Variants in POU2F1 observed in about 807,000 individuals in gnomAD.
POU2F1 encodes POU class 2 homeobox 1, also known as POU domain, class 2, transcription factor 1.
Under a neutral mutation model 84.9 loss-of-function variants are expected in POU2F1, and 16 were observed. The ratio of observed to expected loss-of-function variants is 0.19; its 90% confidence interval spans 0.13 to 0.29. The LOEUF is 0.29. POU2F1 is among the 10% of genes least tolerant of loss of function. The pLI, the probability that POU2F1 is intolerant of heterozygous loss-of-function variation, is 1.00. For synonymous variants in POU2F1, 368 were observed against 368.3 expected (o/e 1.00, Z 0.01); for missense variants, 738 against 942.6 (o/e 0.78, Z 2.84).
At chr1:167,373,627 C>T (rs1169260219) in intron 5 of POU2F1, among the ~76,000 whole-genome samples, 1 of 152,138 alleles carries the variant, frequency 6.6e-6, no homozygotes, top group Non-Finnish European at 1.5e-5. Flanking sequence ...AAATGGAGCT[C>T]ATATTCTTTA....
intron 1 of POU2F1, among the ~76,000 whole-genome samples, chr1:167,242,352 T>C (rs1337171484): frequency 6.6e-6 from 1 of 152,228 alleles, no homozygotes; most frequent in Non-Finnish European, 1.5e-5. Flanking sequence ...TGTATACCTT[T>C]GGAAAATGTG....
chr1:167,222,257 G>C (rs944481002), intron 1 of POU2F1, among the ~76,000 whole-genome samples: 1 of 152,194 alleles, frequency 6.6e-6, no homozygotes, highest in African/African-American at 2.4e-5. Context: ...TTCTTCTGTG[G>C]CGGTGTTTTC....
intron 2 of POU2F1, among the ~76,000 whole-genome samples, chr1:167,364,516 C>T (rs1467014929): frequency 4.3e-3 from 8 of 1,844 alleles, no homozygotes; most frequent in Non-Finnish European, 0.034. Flanking sequence ...GGCGACAGAG[C>T]GAGCTCCGTC....
At chr1:167,312,091 C>T (rs973198536) in intron 1 of POU2F1, among the ~76,000 whole-genome samples, 7 of 152,038 alleles carry the variant, frequency 4.6e-5, no homozygotes, top group South Asian at 2.1e-4. Flanking sequence ...TGCGCCACCA[C>T]GCTCGGCTAA....
chr1:167,248,848 TAAC>T (rs956279501), intron 1 of POU2F1, among the ~76,000 whole-genome samples: 1 of 152,204 alleles, frequency 6.6e-6, no homozygotes, highest in Non-Finnish European at 1.5e-5. Flanking sequence ...TTAATTTTCA[TAAC>T]AACTTTATTA....
chr1:167,256,444 G>T (rs1651147036), intron 1 of POU2F1, among the ~76,000 whole-genome samples: 2 of 150,662 alleles, frequency 1.3e-5, no homozygotes, highest in Admixed American at 6.6e-5. Context: ...GTATAGAAAT[G>T]ATAATAATTG....
chr1:167,320,223 G>A (rs1656214877), intron 1 of POU2F1, among the ~76,000 whole-genome samples: 1 of 152,130 alleles, frequency 6.6e-6, no homozygotes, highest in Non-Finnish European at 1.5e-5. Flanking sequence ...CACATTAATA[G>A]GCATATCAAA....
At chr1:167,300,712 C>G (rs1557878224) in intron 1 of POU2F1, among the ~76,000 whole-genome samples, 1 of 152,144 alleles carries the variant, frequency 6.6e-6, no homozygotes, top group East Asian at 1.9e-4. Context: ...ATCCGCCCAC[C>G]TCGGCCTCCC....
chr1:167,279,774 G>C (rs1002548789), intron 1 of POU2F1, among the ~76,000 whole-genome samples: 5 of 152,194 alleles, frequency 3.3e-5, no homozygotes, highest in Non-Finnish European at 7.3e-5. Flanking sequence ...GGTGGGGACA[G>C]ATGATGGATG....
chr1:167,394,595 T>C (rs1036686319), intron 9 of POU2F1, among the ~76,000 whole-genome samples: 2 of 152,202 alleles, frequency 1.3e-5, no homozygotes, highest in Non-Finnish European at 1.5e-5. Context: ...TGTCTACTTA[T>C]GGCTATTGAG....
chr1:167,279,625 G>GGA (rs1434557917), intron 1 of POU2F1, among the ~76,000 whole-genome samples: 1 of 152,154 alleles, frequency 6.6e-6, no homozygotes, highest in Non-Finnish European at 1.5e-5. Context: ...GGCTGAGGTA[G>GGA]GAGAATTGCT....
In POU2F1 at chr1:167,416,358, TAGGC is replaced by T. The variant is rs1489547998; in HGVS notation, c.*553_*556del. The stretch of plus-strand genomic sequence containing the variant: ...GGTTCCTTTCTTAACTGGTACAATT[TAGGC>T]AGGCCTGTATTACTGTATTATTATT... On this transcript the variant is annotated 3_prime_UTR_variant, in exon 16 of 16. Coordinates refer to ENST00000367866, the MANE Select transcript of POU2F1 (RefSeq NM_002697.4). The T allele has an allele frequency of 4.6e-6, 1 of 218,454 alleles. No individual in the cohort carries two copies. Among genetic ancestry groups the T allele is most frequent in the Non-Finnish European group, 9.1e-6 (1 of 109,370 alleles). 13.5% of individuals were successfully genotyped at this position (218,454 alleles called of 1,614,324 possible).
intron 1 of POU2F1, among the ~76,000 whole-genome samples, chr1:167,221,993 C>T (rs917169177): frequency 2.6e-5 from 4 of 152,074 alleles, no homozygotes; most frequent in African/African-American, 7.2e-5. Context: ...GTCTGACCTC[C>T]GTCTCCCTTT....
intron 3 of POU2F1, among the ~76,000 whole-genome samples, chr1:167,368,472 C>A (rs77782724): frequency 0.025 from 3,728 of 152,118 alleles, 144 homozygotes; most frequent in African/African-American, 0.083. Context: ...GTAAGTAATA[C>A]TCTGTGAGGC....
At chr1:167,294,475 A>G (rs1300240587) in intron 1 of POU2F1, among the ~76,000 whole-genome samples, 1 of 152,266 alleles carries the variant, frequency 6.6e-6, no homozygotes, top group Non-Finnish European at 1.5e-5. Flanking sequence ...ATCCGAGTAC[A>G]CAGACAACCC....
At chr1:167,410,705 G>T (rs1257805409) in intron 13 of POU2F1, among the ~76,000 whole-genome samples, 1 of 151,482 alleles carries the variant, frequency 6.6e-6, no homozygotes, top group Non-Finnish European at 1.5e-5. Context: ...TAATAGAGAC[G>T]GGGTTTCACC....
intron 13 of POU2F1, among the ~76,000 whole-genome samples, chr1:167,411,278 T>G (rs924872291): frequency 1.3e-5 from 2 of 152,184 alleles, no homozygotes; most frequent in African/African-American, 4.8e-5. Context: ...GACCTCTTGA[T>G]CTGCCCACCT....
At position 167,413,162 on chromosome 1, in the gene POU2F1, A is replaced by AGT. The variant is rs59744507; in HGVS notation, c.1990+74_1990+75dup. The AGT allele has an allele frequency of 7.8e-3, 8,025 of 1,026,892 alleles. 6 individuals are homozygous for AGT. The highest frequency in any genetic ancestry group is 0.01 in the Middle Eastern group (45 of 4,304). The allele number at this position is 1,026,892 out of a possible 1,614,324, so 63.6% of individuals were successfully genotyped here. ...ATTTGGTGGCATGCACGTGTGTGTG[A>AGT]GTGTGTGTGTGTGTGTGTGTGTGTG... On this transcript the variant is annotated intron_variant, in intron 15 of 15. Transcript: ENST00000367866.
At chr1:167,399,394 T>C in intron 12 of POU2F1, 29 bp downstream of exon 12, 1 of 1,566,038 alleles carries the variant, frequency 6.4e-7, no homozygotes, top group Non-Finnish European at 8.7e-7. Flanking sequence ...GAGTGCAAGC[T>C]CAAGGGCTAA....
Sources: gnomAD v4.1 joint callset for allele counts (sites outside exome capture counted in the v4.1 genomes callset) on GRCh38, gnomAD v4.1.1 for gene constraint, MANE v1.5 for transcripts, NCBI Gene and HGNC (gene_info 2026-07-23, HGNC 2026-07-21) for gene names.